MKLN1: variants seen among roughly 807,000 people sequenced by gnomAD.
MKLN1 encodes the protein muskelin.
In MKLN1, 18 loss-of-function variants were observed where a neutral mutation model predicts 99.0. The ratio of observed to expected loss-of-function variants is 0.18; its 90% CI spans 0.13 to 0.27. The LOEUF is 0.27. MKLN1 is among the 10% of genes least tolerant of loss of function. The pLI, the probability that MKLN1 is intolerant of heterozygous loss-of-function variation, is 1.00. For synonymous variants in MKLN1, 288 were observed against 293.2 expected, an observed-to-expected ratio of 0.98 and a Z score of 0.18; for missense variants, 621 against 875.9, an observed-to-expected ratio of 0.71 and a Z score of 3.67.
chr7:131,285,973 T>TTTTA (rs1798125827), intron 3 of MKLN1, among the ~76,000 whole-genome samples: 1 of 151,484 alleles, frequency 6.6e-6, no homozygotes, highest in African/African-American at 2.4e-5. Flanking sequence ...TTTTTTTTTT[T>TTTTA]GAGACACAGT....
intron 6 of MKLN1, among the ~76,000 whole-genome samples, chr7:131,406,585 TTCATTATTGTTTGCG>T: frequency 6.6e-6 from 1 of 152,188 alleles, no homozygotes; most frequent in South Asian, 2.1e-4. Context: ...TTTTTTTCTC[TTCATTATTGTTTGCG>T]TCTTTAATCT....
At chr7:131,303,143 T>C (rs977824038) in intron 3 of MKLN1, among the ~76,000 whole-genome samples, 3 of 152,224 alleles carry the variant, frequency 2.0e-5, no homozygotes, top group African/African-American at 7.2e-5. Context: ...TGCCAGCTCC[T>C]GAACTCCCAA....
chr7:131,351,130 C>T (rs1368093655), intron 1 of MKLN1, among the ~76,000 whole-genome samples: 1 of 152,024 alleles, frequency 6.6e-6, no homozygotes, highest in Admixed American at 6.6e-5. Context: ...CACCTGTAGT[C>T]CCAACTACTT....
chr7:131,462,146 C>T (rs1454175841), intron 12 of MKLN1, among the ~76,000 whole-genome samples: 1 of 152,082 alleles, frequency 6.6e-6, no homozygotes, highest in Non-Finnish European at 1.5e-5. Flanking sequence ...ATCCTCCCAC[C>T]TCAGCCTCCC....
At chr7:131,327,852 T>C (rs770326960), upstream of MKLN1, 18 of 1,600,898 alleles carry the variant, frequency 1.1e-5, no homozygotes, top group African/African-American at 4.0e-5. Flanking sequence ...CCTCCCCTCC[T>C]CCCGTTCGCT....
chr7:131,258,628 C>T (rs1002955902), intron 3 of MKLN1, among the ~76,000 whole-genome samples: 2 of 152,160 alleles, frequency 1.3e-5, no homozygotes, highest in African/African-American at 4.8e-5. Context: ...AAATGAAGTG[C>T]TTTGCAGATG....
intron 1 of MKLN1, among the ~76,000 whole-genome samples, chr7:131,357,720 G>A (rs974714436): frequency 2.0e-5 from 3 of 151,880 alleles, no homozygotes; most frequent in Non-Finnish European, 4.4e-5. Context: ...CATCATTTTT[G>A]TTTTGTTTTG....
rs749674520 is a variant in MKLN1, at chr7:131,399,446, G to A, written c.703+13G>A. On this transcript the variant is annotated intron_variant, in intron 6 of 17. Coordinates refer to ENST00000352689, the MANE Select transcript of MKLN1 (RefSeq NM_013255.5). ...AAGGCTGTAAATGGTATGAAACTTA[G>A]ATTGGTTATTAGGGTAAATTCAAGT... The A allele has an allele frequency of 6.2e-7, 1 of 1,610,348 alleles. No individual in the cohort carries two copies.
chr7:131,235,080 T>C (rs377448997), intron 3 of MKLN1, among the ~76,000 whole-genome samples: 24 of 152,214 alleles, frequency 1.6e-4, no homozygotes, highest in African/African-American at 5.8e-4. Flanking sequence ...TTCACATATA[T>C]ATTTTTTTTA....
chr7:131,164,825 T>G (rs566313196), intron 2 of MKLN1, among the ~76,000 whole-genome samples: 1 of 152,172 alleles, frequency 6.6e-6, no homozygotes, highest in Non-Finnish European at 1.5e-5. Flanking sequence ...CTAGTTCTGT[T>G]GCAAGAACAA....
At chr7:131,283,121 G>T (rs1798076089) in intron 3 of MKLN1, among the ~76,000 whole-genome samples, 1 of 152,130 alleles carries the variant, frequency 6.6e-6, no homozygotes, top group African/African-American at 2.4e-5. Context: ...TTATGGGGAT[G>T]GCTCATTATA....
intron 1 of MKLN1, among the ~76,000 whole-genome samples, chr7:131,362,608 A>G (rs972166209): frequency 6.6e-6 from 1 of 151,818 alleles, no homozygotes; most frequent in Admixed American, 6.6e-5. Flanking sequence ...CCAATTATAT[A>G]TTTTTTTGTC....
At chr7:131,168,352 G>T (rs1366421896) in intron 2 of MKLN1, among the ~76,000 whole-genome samples, 1 of 151,870 alleles carries the variant, frequency 6.6e-6, no homozygotes, top group Non-Finnish European at 1.5e-5. Context: ...ATAATTTTAG[G>T]CTGTGTCTGC....
intron 2 of MKLN1, among the ~76,000 whole-genome samples, chr7:131,150,123 T>C (rs1000190881): frequency 8.5e-5 from 13 of 152,098 alleles, no homozygotes; most frequent in African/African-American, 3.1e-4. Context: ...TTTGAACTGA[T>C]TTGACATCCT....
intron 16 of MKLN1, 102 bp from the exon 17 acceptor site, chr7:131,478,521 T>G: frequency 8.5e-7 from 1 of 1,179,026 alleles, no homozygotes; most frequent in Non-Finnish European, 1.1e-6. Flanking sequence ...CAGAAATACG[T>G]AGTTGCTGAT....
intron 1 of MKLN1, among the ~76,000 whole-genome samples, chr7:131,351,432 G>A (rs540198393): frequency 1.4e-3 from 213 of 151,964 alleles, no homozygotes; most frequent in African/African-American, 4.9e-3. Flanking sequence ...ATATATACTG[G>A]GAGTTAAACA....
chr7:131,138,057 C>G (rs2116249503), intron 1 of MKLN1, among the ~76,000 whole-genome samples: 1 of 151,812 alleles, frequency 6.6e-6, no homozygotes, highest in South Asian at 2.1e-4. Context: ...TCATGAGTAG[C>G]TGGGATTAAA....
chr7:131,324,308 G>A (rs1798841560), upstream of MKLN1: 1 of 152,346 alleles, frequency 6.6e-6, no homozygotes, highest in South Asian at 2.1e-4. Flanking sequence ...AACACCTGAT[G>A]AGACTTCTGA....
chr7:131,378,550 C>T (rs1288345690), intron 2 of MKLN1, among the ~76,000 whole-genome samples: 2 of 152,176 alleles, frequency 1.3e-5, no homozygotes, highest in Non-Finnish European at 2.9e-5. Context: ...ATATCCACGG[C>T]CGGACGTGGT....
Sources: allele counts gnomAD v4.1 joint callset (sites outside exome capture counted in the v4.1 genomes callset), GRCh38; gene constraint gnomAD v4.1.1; transcripts MANE v1.5; gene names NCBI Gene and HGNC (gene_info 2026-07-23, HGNC 2026-07-21).